GALNT9: variants seen among roughly 807,000 people sequenced by gnomAD.
GALNT9 encodes the protein polypeptide N-acetylgalactosaminyltransferase 9.
In GALNT9, 47 loss-of-function variants were observed where a neutral mutation model predicts 63.1. The observed-to-expected ratio is 0.75, with a 90% CI of 0.59 to 0.95. The LOEUF (loss-of-function observed/expected upper bound fraction) is 0.95. GALNT9 is among the 40% of genes least tolerant of loss of function. The probability of loss-of-function intolerance (pLI) is 0.00; values close to 1 mark genes in which losing one functional copy is unlikely to be tolerated. For synonymous variants in GALNT9, 396 were observed against 365.7 expected, an observed-to-expected ratio of 1.08 and a Z score of -0.94; for missense variants, 829 against 874.8, an observed-to-expected ratio of 0.95 and a Z score of 0.66.
At chr12:132,215,891 TG>T (rs1196186436) in intron 6 of GALNT9, among the ~76,000 whole-genome samples, 2 of 149,654 alleles carry the variant, frequency 1.3e-5, no homozygotes, top group Admixed American at 6.6e-5. Context: ...AGAGTAGGGT[TG>T]GGGGGTGCTT....
At chr12:132,208,247 A>G (rs970478280) in intron 6 of GALNT9, among the ~76,000 whole-genome samples, 1 of 118,664 alleles carries the variant, frequency 8.4e-6, no homozygotes, top group South Asian at 2.6e-4. Flanking sequence ...AGCCAGAGGC[A>G]CTTGGCCCCC....
chr12:132,278,139 G>GC (rs1880181547), intron 2 of GALNT9: 1 of 151,898 alleles, frequency 6.6e-6, no homozygotes, highest in South Asian at 2.1e-4. Flanking sequence ...GCTCCCCGAG[G>GC]CCCCCGGGGG....
At chr12:132,271,975 C>T (rs1555240771) in intron 2 of GALNT9, among the ~76,000 whole-genome samples, 1 of 152,162 alleles carries the variant, frequency 6.6e-6, no homozygotes. Context: ...ACACGTTTGC[C>T]AACTGACCAA....
intron 1 of GALNT9, among the ~76,000 whole-genome samples, chr12:132,306,243 T>G (rs1028800272): frequency 1.6e-4 from 24 of 152,310 alleles, no homozygotes; most frequent in African/African-American, 5.1e-4. Context: ...TGCCCGGGCC[T>G]CCCCACGGAG....
chr12:132,292,997 C>T (rs1324443226), intron 1 of GALNT9, among the ~76,000 whole-genome samples: 3 of 152,218 alleles, frequency 2.0e-5, no homozygotes, highest in African/African-American at 7.2e-5. Context: ...AGGAATTCCG[C>T]ACACTTGAAG....
chr12:132,239,571 CAGAGACAG>C (rs1378916846), intron 6 of GALNT9, among the ~76,000 whole-genome samples: 5 of 142,268 alleles, frequency 3.5e-5, no homozygotes, highest in Admixed American at 1.4e-4. Context: ...CAGAGAGACA[CAGAGACAG>C]AGACACAGAG....
intron 5 of GALNT9, among the ~76,000 whole-genome samples, chr12:132,248,347 G>A (rs1375119745): frequency 6.6e-6 from 1 of 152,162 alleles, no homozygotes; most frequent in African/African-American, 2.4e-5. Flanking sequence ...AGTAGCTCAC[G>A]CCTGTTATCC....
At chr12:132,306,637 C>T (rs1424848657) in intron 1 of GALNT9, among the ~76,000 whole-genome samples, 2 of 152,124 alleles carry the variant, frequency 1.3e-5, no homozygotes, top group South Asian at 2.1e-4. Context: ...CCACTTTCCC[C>T]AGGACGTTCT....
chr12:132,307,556 G>A (rs994790344), intron 1 of GALNT9, among the ~76,000 whole-genome samples: 3 of 151,854 alleles, frequency 2.0e-5, no homozygotes, highest in Non-Finnish European at 2.9e-5. Flanking sequence ...GAAGCGGGCC[G>A]GACACAGTGG....
chr12:132,293,017 G>A (rs73473538), intron 1 of GALNT9, among the ~76,000 whole-genome samples: 3,232 of 152,314 alleles, frequency 0.021, 129 homozygotes, highest in African/African-American at 0.073. Flanking sequence ...GGGGTATTTG[G>A]GGTTTCAGCT....
Position 132,315,981 on chromosome 12 carries a change from G to T in GALNT9, c.238+12985C>A, listed in dbSNP as rs1426492042. Among the ~76,000 whole-genome samples, 4 of 152,244 alleles carry T rather than the reference G, an allele frequency of 2.6e-5. No individual in the cohort carries two copies. Among genetic ancestry groups the T allele is most frequent in the African/African-American group, 9.6e-5 (4 of 41,458 alleles). On this transcript the variant is annotated intron_variant, in intron 1 of 10. Coordinates refer to ENST00000328957, the MANE Select transcript of GALNT9 (RefSeq NM_001122636.2). This position sits in a 1 kb window ranked among gnomAD's most constrained non-coding sequence, Gnocchi z 6.1. ...CCAGAATGTTCGAGAGTGGAGGGTG[G>T]TGGGGACGCGGGGTCCTGGAGAGGG...
At chr12:132,240,842 C>T (rs1878264602) in intron 6 of GALNT9, 2 of 395,634 alleles carry the variant, frequency 5.1e-6, no homozygotes, top group African/African-American at 2.1e-5. Flanking sequence ...ACCCATTACA[C>T]ACACACCACA....
At chr12:132,308,759 C>T (rs1479454153) in intron 1 of GALNT9, among the ~76,000 whole-genome samples, 3 of 152,238 alleles carry the variant, frequency 2.0e-5, no homozygotes, top group Admixed American at 6.5e-5. Context: ...TCACCGTGGC[C>T]ATGCAGACCT....
In GALNT9 at chr12:132,199,160, G is replaced by A. The variant is rs763498778; in HGVS notation, c.1497+14C>T. 14 of 1,557,694 alleles carry A rather than the reference G, an allele frequency of 9.0e-6. No homozygotes were observed. Among genetic ancestry groups the A allele is most frequent in the African/African-American group, 2.7e-5 (2 of 73,908 alleles). On this transcript the variant is annotated intron_variant, in intron 9 of 10. Coordinates refer to ENST00000328957, the MANE Select transcript of GALNT9 (RefSeq NM_001122636.2). ...CCCCTTGGGAGCTGCATGGGTGGCCGCTGCTACTCCTACCTGGGAGGACAT... is the reference window on the plus strand; with the variant it reads ...CCCCTTGGGAGCTGCATGGGTGGCCACTGCTACTCCTACCTGGGAGGACAT...
At chr12:132,318,642 G>A (rs1037636480) in intron 1 of GALNT9, among the ~76,000 whole-genome samples, 7 of 152,352 alleles carry the variant, frequency 4.6e-5, no homozygotes, top group Non-Finnish European at 1.0e-4. Flanking sequence ...CCTGGGATGT[G>A]CACCCCGACT....
At position 132,227,404 on chromosome 12, in the gene GALNT9, G is replaced by T. The variant is rs1012553502; in HGVS notation, c.1077+20506C>A. Among the ~76,000 whole-genome samples the T allele has an allele frequency of 4.9e-3, 746 of 152,248 alleles. 3 individuals are homozygous for T. The highest frequency in any genetic ancestry group is 8.6e-3 in the Non-Finnish European group (585 of 68,004). On this transcript the variant is annotated intron_variant, in intron 6 of 10. Coordinates refer to ENST00000328957, the MANE Select transcript of GALNT9 (RefSeq NM_001122636.2). ...TGCTGGCCGCAGCTCCCTCCGAAGC[G>T]TGTGCCTGTGAAAGCAACACCTCAG...
chr12:132,265,295 G>C lies in GALNT9; in HGVS notation c.420-2670C>G, dbSNP rs1008584929. Among the ~76,000 whole-genome samples, 1 of 152,156 alleles carries C rather than the reference G, an allele frequency of 6.6e-6. No individual in the cohort carries two copies. Among genetic ancestry groups the C allele is most frequent in the Non-Finnish European group, 1.5e-5 (1 of 68,032 alleles). ...CGGGGAGAAAATGACGGCTGGACCG[G>C]TCCTCCCCGTGGAAGCCTTTCCTTC... On this transcript the variant is annotated intron_variant, in intron 2 of 10. Transcript: ENST00000328957. This position sits in a 1 kb window ranked among gnomAD's most constrained non-coding sequence, Gnocchi z 5.3.
intron 6 of GALNT9, among the ~76,000 whole-genome samples, chr12:132,239,357 CAG>C (rs556933471): frequency 5.4e-5 from 7 of 129,936 alleles, no homozygotes; most frequent in South Asian, 2.6e-4. Flanking sequence ...GAGTCAGAGA[CAG>C]AGAGAGAGAC....
intron 1 of GALNT9, among the ~76,000 whole-genome samples, chr12:132,295,174 G>A (rs1188547942): frequency 6.6e-6 from 1 of 152,190 alleles, no homozygotes; most frequent in Admixed American, 6.5e-5. Context: ...GGAAGCCAGC[G>A]GGGCCTTCAG....
Sources: gnomAD v4.1 joint callset for allele counts (sites outside exome capture counted in the v4.1 genomes callset) on GRCh38, gnomAD v4.1.1 for gene constraint, Gnocchi (gnomAD v3.1) non-coding constraint, MANE v1.5 for transcripts, NCBI Gene and HGNC (gene_info 2026-07-23, HGNC 2026-07-21) for gene names.